Variants in ACTL8 observed in about 807,000 individuals in gnomAD.
ACTL8 encodes actin like 8.
A neutral mutation model predicts 9.3 loss-of-function variants in ACTL8; 3 were observed. That is an observed-to-expected ratio of 0.32 (90% confidence interval 0.15 to 0.83). The LOEUF is 0.83. Among genes scored for constraint, ACTL8 ranks in the 40% least tolerant of loss-of-function variants. The pLI is 0.57. For synonymous variants in ACTL8, 224 were observed against 205.9 expected (o/e 1.09, Z -0.75); for missense variants, 381 against 492.2 (o/e 0.77, Z 2.14).
intron 1 of ACTL8, among the ~76,000 whole-genome samples, chr1:17,765,696 C>T (rs1183420388): frequency 1.3e-5 from 2 of 152,222 alleles, no homozygotes; most frequent in Non-Finnish European, 2.9e-5. Context: ...GTCTGATTCA[C>T]TCACTTATTC....
Position 17,826,291 on chromosome 1 carries a change from G to A in ACTL8, c.873G>A (p.Leu291=), listed in dbSNP as rs2053721348. The A allele has an allele frequency of 1.9e-6, 3 of 1,610,590 alleles. No homozygotes were observed. The highest frequency in any genetic ancestry group is 2.7e-5 in the African/African-American group (2 of 74,960). The change falls in exon 3 of 3, where the codon CTG becomes CTA. Residue 291 remains leucine, a synonymous_variant. Coordinates refer to ENST00000375406, the MANE Select transcript of ACTL8 (RefSeq NM_030812.3). The surrounding 1 kb of genome is among the most constrained non-coding windows in gnomAD (Gnocchi z 4.5). ...GCGAGATCTCCCTGCGCCCCCTGCT[G>A]GTCTCCCACGTGATGGCCTGCGGGG... ...ESCEISLRPL[L]VSHVMACGGN...
intron 1 of ACTL8, among the ~76,000 whole-genome samples, chr1:17,814,976 T>C (rs515315): frequency 0.49 from 73,402 of 150,940 alleles, 18,203 homozygotes; most frequent in East Asian, 0.68. Context: ...ATTTTACAAT[T>C]GCCTGCAGTA....
At chr1:17,805,908 A>G (rs1379545003) in intron 1 of ACTL8, among the ~76,000 whole-genome samples, 1 of 152,108 alleles carries the variant, frequency 6.6e-6, no homozygotes, top group Non-Finnish European at 1.5e-5. Context: ...TCACCTACCT[A>G]TCCACTCTTG....
At chr1:17,802,202 C>G (rs2066326725) in intron 1 of ACTL8, among the ~76,000 whole-genome samples, 1 of 152,206 alleles carries the variant, frequency 6.6e-6, no homozygotes, top group East Asian at 1.9e-4. Context: ...CTCAAATCCT[C>G]CCTGCACCTC....
chr1:17,791,794 T>C (rs1245338371), intron 1 of ACTL8, among the ~76,000 whole-genome samples: 1 of 152,240 alleles, frequency 6.6e-6, no homozygotes, highest in African/African-American at 2.4e-5. Flanking sequence ...TTTAACACCA[T>C]TAATCATTAT....
rs2053728032 is a variant in ACTL8, at chr1:17,826,862, T to C, written c.*343T>C. On this transcript the variant is annotated 3_prime_UTR_variant, in exon 3 of 3. Coordinates refer to ENST00000375406, the MANE Select transcript of ACTL8 (RefSeq NM_030812.3). The surrounding 1 kb of genome is among the most constrained non-coding windows in gnomAD (Gnocchi z 4.5). ...CCCTGGTTTGTCTCATTCTTCTTGGTTGAGTAGGTTTTAACTGGGGTAGCA... is the reference window on the plus strand; with the variant it reads ...CCCTGGTTTGTCTCATTCTTCTTGGCTGAGTAGGTTTTAACTGGGGTAGCA... 5.6e-6 allele frequency: 1 copy of C among 177,920 alleles called. No individual in the cohort carries two copies. The highest frequency in any genetic ancestry group is 5.9e-5 in the Admixed American group (1 of 16,866). 11.0% of individuals were successfully genotyped at this position (177,920 alleles called of 1,614,324 possible).
At chr1:17,821,577 G>A (rs1404053225) in intron 1 of ACTL8, among the ~76,000 whole-genome samples, 1 of 152,010 alleles carries the variant, frequency 6.6e-6, no homozygotes, top group Admixed American at 6.5e-5. Flanking sequence ...CTTTTTTTGT[G>A]TGTGGGCCTA....
intron 1 of ACTL8, among the ~76,000 whole-genome samples, chr1:17,777,653 G>C (rs1396123131): frequency 6.6e-6 from 1 of 152,192 alleles, no homozygotes; most frequent in Non-Finnish European, 1.5e-5. Context: ...TGCCACCTCT[G>C]TGATGGAAAA....
intron 1 of ACTL8, among the ~76,000 whole-genome samples, chr1:17,777,074 C>A (rs1008737960): frequency 6.8e-6 from 1 of 147,370 alleles, no homozygotes; most frequent in Non-Finnish European, 1.5e-5. Context: ...AGTGATCCTC[C>A]TGCCTTAGCC....
intron 1 of ACTL8, among the ~76,000 whole-genome samples, chr1:17,779,823 C>T (rs2066142786): frequency 6.6e-6 from 1 of 152,186 alleles, no homozygotes; most frequent in African/African-American, 2.4e-5. Flanking sequence ...ATGGCCCTAC[C>T]TGGAGTGGGT....
At chr1:17,778,591 G>A (rs569737280) in intron 1 of ACTL8, among the ~76,000 whole-genome samples, 5 of 152,218 alleles carry the variant, frequency 3.3e-5, no homozygotes, top group East Asian at 3.9e-4. Flanking sequence ...TAGTATTCTC[G>A]GGGATGAATC....
At chr1:17,768,877 G>A (rs1428002220) in intron 1 of ACTL8, among the ~76,000 whole-genome samples, 4 of 152,124 alleles carry the variant, frequency 2.6e-5, no homozygotes, top group African/African-American at 7.2e-5. Context: ...GTAGTCTTGG[G>A]AGGGTAATTG....
At chr1:17,790,342 G>A (rs1440879215) in intron 1 of ACTL8, among the ~76,000 whole-genome samples, 2 of 152,214 alleles carry the variant, frequency 1.3e-5, no homozygotes, top group Non-Finnish European at 2.9e-5. Flanking sequence ...AGCCCTGTTT[G>A]TGTTACAGCT....
intron 1 of ACTL8, among the ~76,000 whole-genome samples, chr1:17,785,769 T>C (rs2066192843): frequency 6.6e-6 from 1 of 152,244 alleles, no homozygotes; most frequent in Non-Finnish European, 1.5e-5. Context: ...GTTAGTTTTT[T>C]CCTTGTTGCA....
At chr1:17,794,591 A>G (rs1048686479) in intron 1 of ACTL8, among the ~76,000 whole-genome samples, 11 of 152,186 alleles carry the variant, frequency 7.2e-5, no homozygotes, top group African/African-American at 2.4e-4. Context: ...AAATTGCTCA[A>G]AGTATATAGG....
At chr1:17,784,612 G>A (rs1012431778) in intron 1 of ACTL8, among the ~76,000 whole-genome samples, 13 of 152,166 alleles carry the variant, frequency 8.5e-5, no homozygotes, top group African/African-American at 2.7e-4. Context: ...TAGAATGTTA[G>A]GAAAGAGATT....
At chr1:17,791,448 G>A (rs1293731696) in intron 1 of ACTL8, among the ~76,000 whole-genome samples, 1 of 152,224 alleles carries the variant, frequency 6.6e-6, no homozygotes, top group Non-Finnish European at 1.5e-5. Flanking sequence ...TGGAAGATCC[G>A]GGATTTGAAC....
rs760974264 is a variant in ACTL8 at position 17,823,038 on chromosome 1, C to T, written c.30C>T (p.His10=). 2.9e-5 allele frequency: 46 copies of T among 1,613,964 alleles called. No homozygotes were observed. Among genetic ancestry groups the T allele is most frequent in the Middle Eastern group, 1.6e-4 (1 of 6,084 alleles). The part of the protein sequence containing the change: MAARTVIID[H]GSGFLKAGTA... ...CTGCAAGAACCGTTATCATTGACCA[C>T]GGGTCTGGCTTTTTGAAGGCTGGCA... is the stretch of plus-strand genomic sequence containing the variant. The change falls in exon 2 of 3, where the codon CAC becomes CAT. Residue 10 remains histidine, a synonymous_variant. Coordinates refer to ENST00000375406, the MANE Select transcript of ACTL8 (RefSeq NM_030812.3). This position sits in a 1 kb window ranked among gnomAD's most constrained non-coding sequence, Gnocchi z 5.3.
chr1:17,769,970 T>G (rs2066072383), intron 1 of ACTL8, among the ~76,000 whole-genome samples: 1 of 152,152 alleles, frequency 6.6e-6, no homozygotes. Flanking sequence ...ATTATTTGGG[T>G]CTCCTCCAGC....
Sources: allele counts gnomAD v4.1 joint callset (sites outside exome capture counted in the v4.1 genomes callset), GRCh38; gene constraint gnomAD v4.1.1; non-coding constraint Gnocchi (gnomAD v3.1); transcripts MANE v1.5; gene names NCBI Gene and HGNC (gene_info 2026-07-23, HGNC 2026-07-21).